Variants in CDH12 observed in about 807,000 individuals in gnomAD.
CDH12 encodes the protein cadherin 12.
A neutral mutation model predicts 74.1 loss-of-function variants in CDH12; 41 were observed. The observed-to-expected ratio is 0.55, with a 90% CI of 0.43 to 0.72. The LOEUF is 0.72. CDH12 is among the 30% of genes least tolerant of loss of function. CDH12 has a pLI of 0.00. For missense variants in CDH12, 945 were observed against 977.2 expected (o/e 0.97, Z 0.44); for synonymous variants, 399 against 355.0 (o/e 1.12, Z -1.39).
At chr5:21,808,989 C>T (rs1426556335) in intron 9 of CDH12, among the ~76,000 whole-genome samples, 1 of 151,790 alleles carries the variant, frequency 6.6e-6, no homozygotes. Flanking sequence ...TTATAAGAAA[C>T]ATATAATTAC....
chr5:22,465,985 T>A (rs1036143070), intron 2 of CDH12, among the ~76,000 whole-genome samples: 8 of 152,210 alleles, frequency 5.3e-5, no homozygotes, highest in Non-Finnish European at 8.8e-5. Context: ...ACCAGCATCA[T>A]AAGATTAGGG....
At chr5:21,978,565 A>C (rs1175836099) in intron 5 of CDH12, among the ~76,000 whole-genome samples, 4 of 152,158 alleles carry the variant, frequency 2.6e-5, no homozygotes, top group Admixed American at 1.3e-4. Context: ...ATCTATCTAT[A>C]TATATACACA....
At chr5:21,817,894 C>T (rs1160261504) in intron 8 of CDH12, among the ~76,000 whole-genome samples, 1 of 151,834 alleles carries the variant, frequency 6.6e-6, no homozygotes, top group Non-Finnish European at 1.5e-5. Context: ...TATACTGAAT[C>T]AGCAAAACTT....
chr5:22,435,934 C>T (rs989173958), intron 2 of CDH12, among the ~76,000 whole-genome samples: 1 of 151,806 alleles, frequency 6.6e-6, no homozygotes, highest in African/African-American at 2.4e-5. Flanking sequence ...GGTTTCCCCC[C>T]ACCCATCATG....
chr5:22,775,448 T>A (rs1211080923), intron 1 of CDH12, among the ~76,000 whole-genome samples: 1 of 152,070 alleles, frequency 6.6e-6, no homozygotes, highest in Non-Finnish European at 1.5e-5. Flanking sequence ...GGTAACAAAC[T>A]AAAATTTATC....
At chr5:22,164,379 G>T (rs1409770508) in intron 4 of CDH12, among the ~76,000 whole-genome samples, 2 of 152,214 alleles carry the variant, frequency 1.3e-5, no homozygotes, top group African/African-American at 4.8e-5. Flanking sequence ...ACAATGGCAA[G>T]ACTTTAACCC....
At position 22,114,389 on chromosome 5, in the gene CDH12, ATCTTGCCCTTGATGAT is replaced by A. The variant is rs200016894; in HGVS notation, c.-186-35543_-186-35528del. 7.2e-3 allele frequency among the ~76,000 whole-genome samples: 1,096 copies of A among 152,200 alleles called. 25 individuals are homozygous for A. Among genetic ancestry groups the A allele is most frequent in the African/African-American group, 0.025 (1,046 of 41,546 alleles). On this transcript the variant is annotated intron_variant, in intron 4 of 14. Coordinates refer to ENST00000382254, the MANE Select transcript of CDH12 (RefSeq NM_004061.5). The stretch of plus-strand genomic sequence containing the variant: ...TTAGTCTTTACTCTGGGCATATTCT[ATCTTGCCCTTGATGAT>A]TCCTTTAGAGTTCTGGACAATTGGT...
intron 1 of CDH12, among the ~76,000 whole-genome samples, chr5:22,830,751 C>T (rs1736566986): frequency 6.6e-6 from 1 of 151,158 alleles, no homozygotes; most frequent in Non-Finnish European, 1.5e-5. Context: ...AATCTAAGTC[C>T]AATTATTTTA....
At chr5:22,211,732 CATTATATCTTAATAAT>C (rs1314389411) in intron 4 of CDH12, among the ~76,000 whole-genome samples, 1 of 151,558 alleles carries the variant, frequency 6.6e-6, no homozygotes, top group Non-Finnish European at 1.5e-5. Context: ...CACTTCAATT[CATTATATCTTAATAAT>C]AAAAATGAAA....
At chr5:22,301,570 C>T (rs1034801646) in intron 3 of CDH12, among the ~76,000 whole-genome samples, 6 of 152,078 alleles carry the variant, frequency 3.9e-5, no homozygotes, top group African/African-American at 1.2e-4. Flanking sequence ...TTTTGACTCC[C>T]AATTTTATAA....
chr5:22,846,311 C>T (rs1429526229), intron 1 of CDH12, among the ~76,000 whole-genome samples: 1 of 151,978 alleles, frequency 6.6e-6, no homozygotes, highest in Non-Finnish European at 1.5e-5. Context: ...TTGAAGTCAG[C>T]AGAGGGATTA....
At chr5:22,678,963 C>G (rs1741351861) in intron 1 of CDH12, among the ~76,000 whole-genome samples, 1 of 152,004 alleles carries the variant, frequency 6.6e-6, no homozygotes, top group Non-Finnish European at 1.5e-5. Context: ...TTCCATTAAA[C>G]TAAGAAATCG....
chr5:21,787,361 C>CAA (rs1479275200), intron 10 of CDH12, among the ~76,000 whole-genome samples: 1 of 152,148 alleles, frequency 6.6e-6, no homozygotes, highest in Non-Finnish European at 1.5e-5. Context: ...CCTCTACCAG[C>CAA]AAACAAGATT....
At chr5:22,132,779 G>T (rs1236672950) in intron 4 of CDH12, among the ~76,000 whole-genome samples, 1 of 152,046 alleles carries the variant, frequency 6.6e-6, no homozygotes, top group African/African-American at 2.4e-5. Flanking sequence ...GAGTCTCAGG[G>T]TTTTAGGCTA....
chr5:22,308,884 AAGAG>A lies in CDH12; in HGVS notation c.-332-96245_-332-96242del, dbSNP rs537433265. ...GAGAGAGAGAGGAGAGAGAGAGAGA[AAGAG>A]AGAGAGAGAGGAGAGAGAGGAGAGA... On this transcript the variant is annotated intron_variant, in intron 3 of 14. Transcript: ENST00000382254. 4.4e-3 allele frequency among the ~76,000 whole-genome samples: 155 copies of A among 35,106 alleles called. 1 individual carries two copies. The highest frequency in any genetic ancestry group is 0.03 in the Middle Eastern group (2 of 66). The allele number at this position is 35,106 out of a possible 152,430, so 23.0% of individuals were successfully genotyped here.
intron 4 of CDH12, among the ~76,000 whole-genome samples, chr5:22,158,025 G>A (rs1274656814): frequency 2.6e-5 from 4 of 151,796 alleles, no homozygotes; most frequent in Admixed American, 2.0e-4. Context: ...AATTCACTAT[G>A]TGTACTCATA....
Position 21,751,975 on chromosome 5 carries a change from A to T in CDH12, c.2147T>A (p.Phe716Tyr). 2 of 1,614,086 alleles carry T rather than the reference A, an allele frequency of 1.2e-6. No homozygotes were observed. Among genetic ancestry groups the T allele is most frequent in the Non-Finnish European group, 1.7e-6 (2 of 1,180,010 alleles). Residue 716 changes from phenylalanine (F) to tyrosine (Y), a missense_variant, in exon 15 of 15, where the codon TTC (phenylalanine) becomes TAC (tyrosine). Phe to Tyr is a conservative substitution (Grantham distance 22). This residue lies in a region of CDH12 where 791 missense variants were observed against 792.8 expected (regional missense o/e 1.00). Transcript: ENST00000382254. ...ATTTTCCTGTAGCCTTTGATGAATG[A>T]AATCCCTTATGTCTGTGTTATCTTC... ...PMEDNTDIRD[F>Y]IHQRLQENDV... is the part of the protein sequence containing the mutation.
intron 11 of CDH12, among the ~76,000 whole-genome samples, chr5:21,773,372 A>G (rs1242930957): frequency 6.6e-6 from 1 of 152,130 alleles, no homozygotes; most frequent in East Asian, 1.9e-4. Flanking sequence ...CATCTAATCA[A>G]CTGCCAGTGG....
chr5:21,757,827 G>A (rs971862353), intron 13 of CDH12, among the ~76,000 whole-genome samples: 2 of 152,084 alleles, frequency 1.3e-5, no homozygotes, highest in African/African-American at 4.8e-5. Flanking sequence ...AATCTATTTT[G>A]TCTTATTACA....
Sources: gnomAD v4.1 joint callset for allele counts (sites outside exome capture counted in the v4.1 genomes callset) on GRCh38, gnomAD v4.1.1 for gene constraint, gnomAD v4.1.1 regional missense constraint, MANE v1.5 for transcripts, NCBI Gene and HGNC (gene_info 2026-07-23, HGNC 2026-07-21) for gene names.